SPARC: variants seen among roughly 807,000 people sequenced by gnomAD.
SPARC encodes secreted protein acidic and cysteine rich, also known as basement-membrane protein 40.
Under a neutral mutation model 37.7 loss-of-function variants are expected in SPARC, and 23 were observed. The observed-to-expected ratio is 0.61, with a 90% CI of 0.44 to 0.87. SPARC has a LOEUF of 0.87. Ranked by LOEUF, SPARC falls within the 40% of genes least tolerant of loss-of-function variation. The probability of loss-of-function intolerance (pLI) is 0.00; values close to 1 mark genes in which losing one functional copy is unlikely to be tolerated. For missense variants in SPARC, 312 were observed against 389.0 expected, an observed-to-expected ratio of 0.80 and a Z score of 1.66; for synonymous variants, 155 against 150.8, an observed-to-expected ratio of 1.03 and a Z score of -0.20.
intron 4 of SPARC, among the ~76,000 whole-genome samples, chr5:151,672,443 G>A (rs772477897): frequency 6.6e-6 from 1 of 152,132 alleles, no homozygotes; most frequent in Non-Finnish European, 1.5e-5. Context: ...ATCTTCATCA[G>A]CCCCATATGA....
intron 1 of SPARC, among the ~76,000 whole-genome samples, chr5:151,681,090 G>A (rs1760977282): frequency 6.6e-6 from 1 of 152,176 alleles, no homozygotes; most frequent in South Asian, 2.1e-4. Flanking sequence ...TATTTGGCTT[G>A]GAAACAAGGG....
chr5:151,663,618 G>A lies in SPARC; in HGVS notation c.884-19C>T. The A allele has an allele frequency of 6.2e-7, 1 of 1,613,610 alleles. No individual in the cohort carries two copies. ...ATATCCTCTGCAAAGCAAGAAAAGA[G>A]CACGGTTAAAAATAAGGCTGTGTCG... On this transcript the variant is annotated intron_variant, in intron 9 of 9. Coordinates refer to ENST00000231061, the MANE Select transcript of SPARC (RefSeq NM_003118.4).
rs1345514045 is a variant in SPARC at position 151,673,204 on chromosome 5, C to T, written c.133G>A (p.Ala45Thr). ...VAEVTEVSVGANPVQVEVGEF... is the reference protein window; with the variant it reads ...VAEVTEVSVGTNPVQVEVGEF... ...CCTACTTCCACCTGGACAGGATTAG[C>T]TCCCACAGATACCTGGAATTGAGGG... is the stretch of plus-strand genomic sequence containing the variant. Residue 45 changes from alanine (A) to threonine (T), a missense_variant, in exon 4 of 10, where the codon GCT (alanine) becomes ACT (threonine). Ala to Thr is a moderately conservative substitution (Grantham distance 58). Transcript: ENST00000231061. The T allele has an allele frequency of 6.2e-7, 1 of 1,612,062 alleles. No individual in the cohort carries two copies. The highest frequency in any genetic ancestry group is 8.5e-7 in the Non-Finnish European group (1 of 1,178,206).
intron 6 of SPARC, among the ~76,000 whole-genome samples, chr5:151,669,090 T>A (rs1220673761): frequency 6.6e-6 from 1 of 152,154 alleles, no homozygotes; most frequent in East Asian, 1.9e-4. Flanking sequence ...GACCACACCC[T>A]GGCATCCCTC....
chr5:151,685,422 T>TCTCACACACACACACA (rs1216324359), intron 1 of SPARC, among the ~76,000 whole-genome samples: 4 of 140,522 alleles, frequency 2.8e-5, no homozygotes, highest in African/African-American at 1.1e-4. Flanking sequence ...CCTCTCTCTC[T>TCTCACACACACACACA]CACACACACA....
At chr5:151,672,395 C>T (rs1360556120) in intron 4 of SPARC, among the ~76,000 whole-genome samples, 2 of 152,170 alleles carry the variant, frequency 1.3e-5, no homozygotes, top group African/African-American at 4.8e-5. Flanking sequence ...CTCAGCTTGT[C>T]TGAAAACTTC....
At chr5:151,673,271 T>C in intron 3 of SPARC, 55 bp from the exon 4 acceptor site, 2 of 1,226,420 alleles carry the variant, frequency 1.6e-6, no homozygotes. Flanking sequence ...CCCAGACCCA[T>C]AAGGGTAGCT....
At chr5:151,664,258 G>C (rs757980978) in intron 8 of SPARC, 23 bp from the exon 9 acceptor site, 1 of 1,608,476 alleles carries the variant, frequency 6.2e-7, no homozygotes, top group South Asian at 1.1e-5. Flanking sequence ...AGGCAGGGGA[G>C]GGCCTGAGGC....
At chr5:151,670,890 C>T (rs1316790134) in intron 5 of SPARC, among the ~76,000 whole-genome samples, 1 of 152,064 alleles carries the variant, frequency 6.6e-6, no homozygotes, top group Non-Finnish European at 1.5e-5. Flanking sequence ...TCTGGAGAAA[C>T]TGAAGATGGA....
intron 1 of SPARC, among the ~76,000 whole-genome samples, chr5:151,680,664 G>A (rs1232627280): frequency 6.6e-6 from 1 of 152,132 alleles, no homozygotes; most frequent in Non-Finnish European, 1.5e-5. Flanking sequence ...GAATATACAG[G>A]TTCAAATCCT....
At chr5:151,665,820 G>A (rs541454914) in intron 8 of SPARC, among the ~76,000 whole-genome samples, 15 of 152,330 alleles carry the variant, frequency 9.8e-5, no homozygotes, top group African/African-American at 3.1e-4. Flanking sequence ...CTGCCTGTTC[G>A]GCAGTGCAGT....
Position 151,666,361 on chromosome 5 carries a change from C to T in SPARC, c.734G>A (p.Gly245Glu), listed in dbSNP as rs924129709. ...FGQLDQHPID[G>E]YLSHTELAPL... ...TTCACTCTAGGGTCTGGGGTCTTACCCGTCAATGGGGTGCTGGTCCAGCTG... is the reference window on the plus strand; with the variant it reads ...TTCACTCTAGGGTCTGGGGTCTTACTCGTCAATGGGGTGCTGGTCCAGCTG... The change falls in exon 8 of 10, where the codon GGG becomes GAG. Residue 245 changes from glycine (G) to glutamate (E), a missense_variant and splice_region_variant. Coordinates refer to ENST00000231061, the MANE Select transcript of SPARC (RefSeq NM_003118.4). 7 of 1,613,362 alleles carry T rather than the reference C, an allele frequency of 4.3e-6. No individual in the cohort carries two copies. The highest frequency in any genetic ancestry group is 5.9e-6 in the Non-Finnish European group (7 of 1,179,592).
intron 1 of SPARC, chr5:151,686,296 T>C (rs1056193916): frequency 1.3e-5 from 2 of 152,030 alleles, no homozygotes; most frequent in Non-Finnish European, 1.5e-5. Flanking sequence ...CGGAAGGTGG[T>C]GTTTGGGAGT....
At chr5:151,669,144 C>T (rs944310164) in intron 6 of SPARC, among the ~76,000 whole-genome samples, 2 of 152,170 alleles carry the variant, frequency 1.3e-5, no homozygotes, top group African/African-American at 2.4e-5. Context: ...GGTGCTTATC[C>T]TCTCTCTTCG....
intron 1 of SPARC, 84 bp from the exon 2 acceptor site, chr5:151,676,285 T>C (rs1760856604): frequency 1.1e-6 from 1 of 902,988 alleles, no homozygotes; most frequent in African/African-American, 1.7e-5. Context: ...ATGTGCAAGA[T>C]AATGTTAGAT....
At position 151,663,453 on chromosome 5, in the gene SPARC, A is replaced by G. The variant is rs1760553558; in HGVS notation, c.*118T>C. On this transcript the variant is annotated 3_prime_UTR_variant, in exon 10 of 10. Coordinates refer to ENST00000231061, the MANE Select transcript of SPARC (RefSeq NM_003118.4). The stretch of plus-strand genomic sequence containing the variant: ...TAGCACCGTTAATGTATTCACTTAA[A>G]TCTATGTTAGCACCTTGTCTCCAGG... 1.0e-6 allele frequency: 1 copy of G among 979,008 alleles called. No individual in the cohort carries two copies. The highest frequency in any genetic ancestry group is 1.6e-6 in the Non-Finnish European group (1 of 624,524). 60.6% of individuals were successfully genotyped at this position (979,008 alleles called of 1,614,324 possible).
chr5:151,684,974 A>G (rs1581534575), intron 1 of SPARC: 1 of 152,120 alleles, frequency 6.6e-6, no homozygotes, highest in East Asian at 1.9e-4. Flanking sequence ...CAGGCCTTGA[A>G]TTTGGGGGTG....
intron 1 of SPARC, chr5:151,686,052 T>G (rs190660258): frequency 6.6e-6 from 1 of 152,152 alleles, no homozygotes; most frequent in East Asian, 1.9e-4. Context: ...CCTCTTCCCT[T>G]CCCCCTTTCC....
intron 9 of SPARC, 63 bp downstream of exon 9, chr5:151,664,024 A>G: frequency 6.3e-7 from 1 of 1,596,846 alleles, no homozygotes; most frequent in Non-Finnish European, 8.6e-7. Context: ...GGGGGATGAC[A>G]ACCCAGCACC....
Sources: allele counts gnomAD v4.1 joint callset (sites outside exome capture counted in the v4.1 genomes callset), GRCh38; gene constraint gnomAD v4.1.1; transcripts MANE v1.5; gene names NCBI Gene and HGNC (gene_info 2026-07-23, HGNC 2026-07-21).